Variants in TDRD5 observed in about 807,000 individuals in gnomAD.
TDRD5 encodes the protein tudor domain-containing protein 5.
A neutral mutation model predicts 120.6 loss-of-function variants in TDRD5; 41 were observed. The ratio of observed to expected loss-of-function variants is 0.34; its 90% CI spans 0.26 to 0.44. The LOEUF (loss-of-function observed/expected upper bound fraction) is 0.44. Among genes scored for constraint, TDRD5 ranks in the 20% least tolerant of loss-of-function variants. The probability of loss-of-function intolerance (pLI) is 1.00; values close to 1 mark genes in which losing one functional copy is unlikely to be tolerated. For missense variants in TDRD5, 1,006 were observed against 1,221.2 expected (o/e 0.82, Z 2.63); for synonymous variants, 430 against 433.7 (o/e 0.99, Z 0.11).
At position 179,593,848 on chromosome 1, in the gene TDRD5, G is replaced by T; in HGVS notation, c.621G>T (p.Lys207Asn). 6.2e-7 allele frequency: 1 copy of T among 1,613,214 alleles called. No individual in the cohort carries two copies. Among genetic ancestry groups the T allele is most frequent in the East Asian group, 2.2e-5 (1 of 44,860 alleles). Residue 207 changes from lysine to asparagine, a missense_variant, in exon 3 of 18, where the codon AAG (lysine) becomes AAT (asparagine). Around this residue, in one of 3 missense-constraint regions of TDRD5, gnomAD observed 445 missense variants for 515.5 expected, o/e 0.86. Transcript: ENST00000444136. ...TAAAGAAGAGTGTAACAGAGGAAAAGCCGAGAGGATGTCCAGCAGGTACGC... is the reference window on the plus strand; with the variant it reads ...TAAAGAAGAGTGTAACAGAGGAAAATCCGAGAGGATGTCCAGCAGGTACGC... ...LMLKKSVTEE[K>N]PRGCPAGKIF...
intron 11 of TDRD5, among the ~76,000 whole-genome samples, chr1:179,642,034 A>G (rs141699611): frequency 4.0e-5 from 6 of 151,584 alleles, no homozygotes; most frequent in East Asian, 1.9e-4. Flanking sequence ...CATTACTTTC[A>G]TATCAGCCAG....
At chr1:179,640,344 A>C in intron 10 of TDRD5, 35 bp from the exon 11 acceptor site, 1 of 1,611,354 alleles carries the variant, frequency 6.2e-7, no homozygotes, top group Non-Finnish European at 8.5e-7. Flanking sequence ...ATATAGCAGG[A>C]AGATTGAACT....
intron 13 of TDRD5, 52 bp from the exon 14 acceptor site, chr1:179,654,149 T>C: frequency 1.4e-6 from 2 of 1,417,822 alleles, no homozygotes; most frequent in Non-Finnish European, 1.9e-6. Flanking sequence ...ATGTAGATTT[T>C]GGAAACAGCA....
chr1:179,645,307 G>A lies in TDRD5; in HGVS notation c.1800+4862G>A, dbSNP rs528170306. 2.7e-3 allele frequency among the ~76,000 whole-genome samples: 413 copies of A among 151,504 alleles called. 3 individuals are homozygous for A. Among genetic ancestry groups the A allele is most frequent in the African/African-American group, 9.4e-3 (388 of 41,344 alleles). ...TCACCGTTTTAGCCGGGATGGTCTC[G>A]ATCTCCTGACCTCGTGATCCGCCCG... On this transcript the variant is annotated intron_variant, in intron 11 of 17. Transcript: ENST00000444136.
intron 6 of TDRD5, among the ~76,000 whole-genome samples, chr1:179,628,485 T>TTTTTTTTTTTTC (rs1677261620): frequency 6.7e-6 from 1 of 150,278 alleles, no homozygotes. Context: ...TTTTTTTAAG[T>TTTTTTTTTTTTC]TGTAGAGGCA....
chr1:179,594,195 T>A (rs894423046), intron 3 of TDRD5, among the ~76,000 whole-genome samples: 8 of 152,120 alleles, frequency 5.3e-5, no homozygotes, highest in Non-Finnish European at 1.0e-4. Flanking sequence ...AAATGAACTT[T>A]ACATGAATGT....
At chr1:179,667,847 C>T (rs1199722654) in intron 16 of TDRD5, among the ~76,000 whole-genome samples, 1 of 152,088 alleles carries the variant, frequency 6.6e-6, no homozygotes, top group Admixed American at 6.5e-5. Context: ...CACATTCATG[C>T]CAGCCATCTT....
At chr1:179,594,329 G>A (rs760498180) in intron 3 of TDRD5, among the ~76,000 whole-genome samples, 9 of 152,204 alleles carry the variant, frequency 5.9e-5, no homozygotes, top group Non-Finnish European at 1.2e-4. Flanking sequence ...CTTTTGTGGT[G>A]TAATAATAAC....
intron 5 of TDRD5, 117 bp downstream of exon 5, chr1:179,618,799 C>A (rs1420754832): frequency 3.1e-6 from 2 of 649,334 alleles, no homozygotes; most frequent in Non-Finnish European, 4.6e-6. Context: ...ATACTGCAAA[C>A]TAAGCAACAA....
chr1:179,655,909 G>A (rs1313869868), intron 14 of TDRD5, among the ~76,000 whole-genome samples: 1 of 152,168 alleles, frequency 6.6e-6, no homozygotes, highest in Non-Finnish European at 1.5e-5. Context: ...TATGAATAGA[G>A]CTGCTATAAA....
intron 4 of TDRD5, among the ~76,000 whole-genome samples, chr1:179,615,276 C>G (rs1006807695): frequency 6.6e-6 from 1 of 152,022 alleles, no homozygotes; most frequent in Non-Finnish European, 1.5e-5. Flanking sequence ...AGTATGATCT[C>G]AATACCTATT....
intron 6 of TDRD5, among the ~76,000 whole-genome samples, chr1:179,628,138 G>A (rs1677231362): frequency 1.3e-5 from 2 of 152,072 alleles, no homozygotes; most frequent in South Asian, 2.1e-4. Context: ...GAAATAAAGT[G>A]TTTGTACTGC....
chr1:179,597,690 C>T (rs537749392), intron 4 of TDRD5, among the ~76,000 whole-genome samples: 2 of 152,154 alleles, frequency 1.3e-5, no homozygotes, highest in South Asian at 4.1e-4. Context: ...AAGTTTTTCT[C>T]CTACGTTTTT....
chr1:179,678,018 C>A (rs1680224666), intron 17 of TDRD5, among the ~76,000 whole-genome samples: 1 of 151,696 alleles, frequency 6.6e-6, no homozygotes, highest in Non-Finnish European at 1.5e-5. Context: ...GATCACCAAC[C>A]AGGTGGGGGC....
Position 179,654,323 on chromosome 1 carries a change from G to T in TDRD5, c.2283G>T (p.Trp761Cys). 1 of 1,547,854 alleles carries T rather than the reference G, an allele frequency of 6.5e-7. No homozygotes were observed. Among genetic ancestry groups the T allele is most frequent in the Non-Finnish European group, 8.7e-7 (1 of 1,145,782 alleles). ...CNKSFEEDPK[W>C]SNPEPNDLKE... ...AGAGCTTTGAAGAAGATCCAAAGTG[G>T]TCCAACCCAGAACCAAACGATCTGA... The change falls in exon 14 of 18, where the codon TGG (tryptophan) becomes TGT (cysteine). Residue 761 changes from tryptophan to cysteine, a missense_variant. Physicochemically the swap from Trp to Cys is radical, Grantham distance 215. Around this residue, in one of 3 missense-constraint regions of TDRD5, gnomAD observed 403 missense variants for 448.1 expected, o/e 0.90. Coordinates refer to ENST00000444136, the MANE Select transcript of TDRD5 (RefSeq NM_001199085.3).
chr1:179,602,007 T>C (rs1675741109), intron 4 of TDRD5, among the ~76,000 whole-genome samples: 1 of 152,244 alleles, frequency 6.6e-6, no homozygotes. Flanking sequence ...GGTTTCACCA[T>C]GTTGTCCAGG....
chr1:179,605,429 A>G (rs1202887654), intron 4 of TDRD5, among the ~76,000 whole-genome samples: 1 of 152,134 alleles, frequency 6.6e-6, no homozygotes, highest in Non-Finnish European at 1.5e-5. Flanking sequence ...TGTTGCATTC[A>G]TCTTGCAACA....
chr1:179,639,692 A>T, intron 9 of TDRD5, 147 bp from the exon 10 acceptor site: 1 of 719,902 alleles, frequency 1.4e-6, no homozygotes, highest in Non-Finnish European at 2.3e-6. Context: ...AAAACAATTA[A>T]TTGGTATTAA....
intron 4 of TDRD5, among the ~76,000 whole-genome samples, chr1:179,602,427 G>A (rs978760146): frequency 1.3e-5 from 2 of 152,014 alleles, no homozygotes; most frequent in Admixed American, 1.3e-4. Flanking sequence ...TTACTGATGG[G>A]TTTTTGGTCA....
Sources: gnomAD v4.1 joint callset for allele counts (sites outside exome capture counted in the v4.1 genomes callset) on GRCh38, gnomAD v4.1.1 for gene constraint, gnomAD v4.1.1 regional missense constraint, MANE v1.5 for transcripts, NCBI Gene and HGNC (gene_info 2026-07-23, HGNC 2026-07-21) for gene names.